Variants in PADI3 observed in about 807,000 individuals in gnomAD.
The protein encoded by PADI3 is peptidyl arginine deiminase 3.
PADI3 carries 53 observed loss-of-function variants against 71.5 expected under a neutral mutation model. That is an observed-to-expected ratio of 0.74 (90% confidence interval 0.59 to 0.93). The LOEUF is 0.93. Ranked by LOEUF, PADI3 falls within the 40% of genes least tolerant of loss-of-function variation. The probability of loss-of-function intolerance (pLI) is 0.00; values close to 1 mark genes in which losing one functional copy is unlikely to be tolerated. For synonymous variants in PADI3, 361 were observed against 347.5 expected, an observed-to-expected ratio of 1.04 and a Z score of -0.43; for missense variants, 821 against 868.0, an observed-to-expected ratio of 0.95 and a Z score of 0.68.
chr1:17,255,856 G>A (rs529336159), intron 1 of PADI3, among the ~76,000 whole-genome samples: 6 of 152,182 alleles, frequency 3.9e-5, no homozygotes, highest in South Asian at 2.1e-4. Flanking sequence ...GCAGTCACTC[G>A]CTCAAAGTCA....
intron 3 of PADI3, among the ~76,000 whole-genome samples, chr1:17,265,009 C>CAAA (rs55683674): frequency 0.13 from 18,813 of 139,978 alleles, 1,268 homozygotes; most frequent in Non-Finnish European, 0.16. Flanking sequence ...TGTCTTGTCT[C>CAAA]AAAAAAAAAA....
At chr1:17,266,414 G>C (rs996085326) in intron 4 of PADI3, among the ~76,000 whole-genome samples, 1 of 152,174 alleles carries the variant, frequency 6.6e-6, no homozygotes, top group Non-Finnish European at 1.5e-5. Flanking sequence ...AAACCAAGGA[G>C]GGTTTAATGG....
chr1:17,254,532 C>T (rs892124797), intron 1 of PADI3, among the ~76,000 whole-genome samples: 7 of 152,086 alleles, frequency 4.6e-5, no homozygotes, highest in African/African-American at 7.2e-5. Flanking sequence ...AATCACCTGC[C>T]GTCTCCAAGG....
At position 17,262,145 on chromosome 1, in the gene PADI3, T is replaced by A; in HGVS notation, c.286T>A (p.Tyr96Asn). The A allele has an allele frequency of 1.2e-6, 2 of 1,613,682 alleles. No individual in the cohort carries two copies. Among genetic ancestry groups the A allele is most frequent in the Non-Finnish European group, 1.7e-6 (2 of 1,179,910 alleles). ...CAACTCTCCACAGGTTCAGATTTCC[T>A]ACCACTCCAGCCATGAGCCTCTGCC... ...DLNDSHVQIS[Y>N]HSSHEPLPLA... The change falls in exon 3 of 16, where the codon TAC (tyrosine) becomes AAC (asparagine). Residue 96 changes from tyrosine to asparagine, a missense_variant. By Grantham distance (143) the Tyr-to-Asn change is moderately radical. Transcript: ENST00000375460.
At chr1:17,279,847 G>A (rs1049681470) in intron 13 of PADI3, among the ~76,000 whole-genome samples, 4 of 152,180 alleles carry the variant, frequency 2.6e-5, no homozygotes, top group African/African-American at 7.2e-5. Flanking sequence ...CCATCAGGCT[G>A]AGAAAATCTG....
intron 1 of PADI3, among the ~76,000 whole-genome samples, chr1:17,252,210 A>G (rs1225921368): frequency 2.0e-5 from 3 of 152,074 alleles, no homozygotes; most frequent in Non-Finnish European, 4.4e-5. Context: ...AACTGGAGGC[A>G]GGCTCAGCGG....
chr1:17,254,849 C>T (rs528058745), intron 1 of PADI3, among the ~76,000 whole-genome samples: 12 of 152,030 alleles, frequency 7.9e-5, no homozygotes, highest in Admixed American at 4.6e-4. Context: ...CCCTAGTAGC[C>T]GGGATTACAG....
Position 17,280,871 on chromosome 1 carries a change from G to C in PADI3, c.1761+75G>C, listed in dbSNP as rs904038985. On this transcript the variant is annotated intron_variant, in intron 15 of 15. Coordinates refer to ENST00000375460, the MANE Select transcript of PADI3 (RefSeq NM_016233.2). ...AAGCTCGAGAGAGGAAAAATGTCTG[G>C]TCACAGTCATATTTAGGATTGTGGT... The C allele has an allele frequency of 1.0e-5, 16 of 1,559,690 alleles. No homozygotes were observed. In the African/African-American group the frequency reaches 1.9e-4, roughly 19 times the overall value.
In PADI3 at chr1:17,254,091, G is replaced by T. The variant is rs1429672556; in HGVS notation, c.92+4862G>T. 3.3e-5 allele frequency among the ~76,000 whole-genome samples: 5 copies of T among 152,200 alleles called. No individual in the cohort carries two copies. The East Asian group carries it at 9.6e-4, about 29-fold the overall frequency. On this transcript the variant is annotated intron_variant, in intron 1 of 15. Transcript: ENST00000375460. ...TTAAATACGGGGGATTTGGAAAAAG[G>T]GTATACGGGGCTGCCACTTTCCAGT...
intron 3 of PADI3, among the ~76,000 whole-genome samples, chr1:17,263,683 A>G (rs1185010033): frequency 1.3e-5 from 2 of 152,242 alleles, no homozygotes; most frequent in Admixed American, 6.5e-5. Context: ...GCAACAGACA[A>G]CAAGTAAAAA....
In PADI3 at chr1:17,283,169, A is replaced by G; in HGVS notation, c.*90A>G. 1 of 961,012 alleles carries G rather than the reference A, an allele frequency of 1.0e-6. No individual in the cohort carries two copies. The highest frequency in any genetic ancestry group is 2.5e-5 in the East Asian group (1 of 40,280). 59.5% of individuals were successfully genotyped at this position (961,012 alleles called of 1,614,324 possible). A position where few individuals can be genotyped will look rare whatever the true frequency, so the allele number is the denominator to read the frequency against. The stretch of plus-strand genomic sequence containing the variant: ...ACAGGCCCCTGAACGATAAGCACCA[A>G]GAGACCCCAAGGCTCCAGATGGAAC... On this transcript the variant is annotated 3_prime_UTR_variant, in exon 16 of 16. Transcript: ENST00000375460.
At chr1:17,274,575 A>G in intron 10 of PADI3, 60 bp from the exon 11 acceptor site, 1 of 1,503,784 alleles carries the variant, frequency 6.6e-7, no homozygotes, top group South Asian at 1.3e-5. Flanking sequence ...AAGCCCAGCA[A>G]GTTGGTTCAG....
chr1:17,283,359 C>T lies in PADI3; in HGVS notation c.*280C>T, dbSNP rs192764364. On this transcript the variant is annotated 3_prime_UTR_variant, in exon 16 of 16. Coordinates refer to ENST00000375460, the MANE Select transcript of PADI3 (RefSeq NM_016233.2). ...TCAACACAACCCATGGAGATGTCCC[C>T]TTCTCACTCTGAAATCATCCATTTG... 3 of 392,936 alleles carry T rather than the reference C, an allele frequency of 7.6e-6. No individual in the cohort carries two copies. The Admixed American group carries it at 1.2e-4, about 16-fold the overall frequency. The allele number at this position is 392,936 out of a possible 1,614,324, so 24.3% of individuals were successfully genotyped here. A position where few individuals can be genotyped will look rare whatever the true frequency, so the allele number is the denominator to read the frequency against.
intron 4 of PADI3, 123 bp downstream of exon 4, chr1:17,265,843 G>A (rs1312920911): frequency 3.8e-6 from 3 of 786,594 alleles, no homozygotes; most frequent in Middle Eastern, 5.0e-4. Context: ...GAGACCAAGG[G>A]CCAAAAACAG....
At chr1:17,261,487 G>A (rs754432120) in intron 2 of PADI3, among the ~76,000 whole-genome samples, 22 of 152,306 alleles carry the variant, frequency 1.4e-4, no homozygotes, top group Middle Eastern at 3.4e-3. Context: ...CAGAATCTGG[G>A]CCCAGGCCAT....
chr1:17,270,047 C>T (rs2073225138), intron 6 of PADI3, among the ~76,000 whole-genome samples, 186 bp from the exon 7 acceptor site: 1 of 152,082 alleles, frequency 6.6e-6, no homozygotes, highest in Admixed American at 6.5e-5. Flanking sequence ...AAAGGAAGAC[C>T]CTTTCCCCCA....
At chr1:17,272,012 G>A (rs1454297596) in intron 9 of PADI3, among the ~76,000 whole-genome samples, 1 of 152,148 alleles carries the variant, frequency 6.6e-6, no homozygotes, top group Non-Finnish European at 1.5e-5. Context: ...TTTGGCAGAT[G>A]AGGGCACATG....
At chr1:17,252,862 T>C (rs567234101) in intron 1 of PADI3, among the ~76,000 whole-genome samples, 70 of 152,186 alleles carry the variant, frequency 4.6e-4, no homozygotes, top group Non-Finnish European at 8.8e-4. Context: ...TGGAGTCTGT[T>C]GGGTTGTGGC....
Position 17,249,485 on chromosome 1 carries a change from AG to A in PADI3, c.92+261del, listed in dbSNP as rs1274907697. 4.6e-5 allele frequency among the ~76,000 whole-genome samples: 7 copies of A among 152,114 alleles called. No homozygotes were observed. The East Asian group carries it at 1.4e-3, about 29-fold the overall frequency. On this transcript the variant is annotated intron_variant, in intron 1 of 15. Transcript: ENST00000375460. ...ACTGAGCTCCAGACCGGGGGCTTGG[AG>A]GGGGCTGGTGCCGCGAAGAGATGGC...
Sources: gnomAD v4.1 joint callset for allele counts (sites outside exome capture counted in the v4.1 genomes callset) on GRCh38, gnomAD v4.1.1 for gene constraint, MANE v1.5 for transcripts, NCBI Gene and HGNC (gene_info 2026-07-23, HGNC 2026-07-21) for gene names.